Variants in MGAT4C observed in about 807,000 individuals in gnomAD.
The protein encoded by MGAT4C is alpha-1,3-mannosyl-glycoprotein 4-beta-N-acetylglucosaminyltransferase C.
A neutral mutation model predicts 40.1 loss-of-function variants in MGAT4C; 19 were observed. That is an observed-to-expected ratio of 0.47 (90% CI 0.33 to 0.70). MGAT4C has a LOEUF of 0.70. Among genes scored for constraint, MGAT4C ranks in the 30% least tolerant of loss-of-function variants. The probability of loss-of-function intolerance (pLI) is 0.02; values close to 1 mark genes in which losing one functional copy is unlikely to be tolerated. For missense variants in MGAT4C, 491 were observed against 563.2 expected, an observed-to-expected ratio of 0.87 and a Z score of 1.30; for synonymous variants, 181 against 187.1, an observed-to-expected ratio of 0.97 and a Z score of 0.27.
At chr12:86,780,186 T>A (rs1009381226) in intron 1 of MGAT4C, among the ~76,000 whole-genome samples, 2 of 152,184 alleles carry the variant, frequency 1.3e-5, no homozygotes, top group African/African-American at 4.8e-5. Flanking sequence ...CTGCATTAAT[T>A]ATATAATTTA....
At chr12:86,762,246 T>A (rs760010715) in intron 1 of MGAT4C, among the ~76,000 whole-genome samples, 7 of 151,994 alleles carry the variant, frequency 4.6e-5, no homozygotes, top group Non-Finnish European at 8.8e-5. Flanking sequence ...ACATGGGGTT[T>A]CACTATGTTT....
In MGAT4C at chr12:86,632,237, A is replaced by T. The variant is rs1029036104; in HGVS notation, c.-229+94972T>A. 1.7e-4 allele frequency among the ~76,000 whole-genome samples: 26 copies of T among 152,174 alleles called. 1 individual carries two copies. The highest frequency in any genetic ancestry group is 6.3e-4 in the African/African-American group (26 of 41,416). ...TCTCATACCAGTTAGAATGGGGATC[A>T]TTAAAAAGTCAGGAAACAACAGGTG... is the stretch of plus-strand genomic sequence containing the variant. On this transcript the variant is annotated intron_variant, in intron 2 of 7. Transcript: ENST00000548651.
chr12:86,185,518 T>C (rs1429453000), intron 1 of MGAT4C, among the ~76,000 whole-genome samples: 6 of 152,092 alleles, frequency 3.9e-5, no homozygotes, highest in Admixed American at 2.0e-4. Context: ...AAGCATATGT[T>C]CTTTAAAAAC....
chr12:86,391,280 A>G (rs1956155848), intron 3 of MGAT4C, among the ~76,000 whole-genome samples: 1 of 152,196 alleles, frequency 6.6e-6, no homozygotes. Context: ...TGATTTTTAG[A>G]GTAAAGGATT....
intron 1 of MGAT4C, among the ~76,000 whole-genome samples, chr12:86,118,112 G>T (rs1177689966): frequency 1.3e-5 from 2 of 152,166 alleles, no homozygotes; most frequent in African/African-American, 4.8e-5. Context: ...ATTATTACCA[G>T]GATACATGAA....
Position 86,275,944 on chromosome 12 carries a change from C to CAAAAAA in MGAT4C, c.-57+58115_-57+58120dup, listed in dbSNP as rs748476574. Among the ~76,000 whole-genome samples the CAAAAAA allele has an allele frequency of 1.6e-3, 111 of 69,162 alleles. 2 individuals carry two copies. Among genetic ancestry groups the CAAAAAA allele is most frequent in the African/African-American group, 5.0e-3 (92 of 18,542 alleles). 45.4% of individuals were successfully genotyped at this position (69,162 alleles called of 152,430 possible). ...TGAAACCCCGTCTCTACTAAAAATC[C>CAAAAAA]AAAAAAAAAAAAAAAAAAAAAAAAA... is the stretch of plus-strand genomic sequence containing the variant. On this transcript the variant is annotated intron_variant, in intron 4 of 7. Coordinates refer to the MGAT4C transcript ENST00000548651.
In MGAT4C at chr12:86,609,526, T is replaced by C. The variant is rs552422025; in HGVS notation, c.-229+117683A>G. 2.6e-5 allele frequency among the ~76,000 whole-genome samples: 4 copies of C among 152,238 alleles called. No individual in the cohort carries two copies. The South Asian group carries it at 6.2e-4, about 24-fold the overall frequency. ...ATCAGATAGGGTTAAGAAACAGATA[T>C]TGTCCTGTGGGTTTATTCCTCAGAA... is the stretch of plus-strand genomic sequence containing the variant. On this transcript the variant is annotated intron_variant, in intron 2 of 7. Transcript: ENST00000548651.
At chr12:86,779,241 T>C (rs780274413) in intron 1 of MGAT4C, among the ~76,000 whole-genome samples, 5 of 152,026 alleles carry the variant, frequency 3.3e-5, no homozygotes, top group Non-Finnish European at 7.4e-5. Flanking sequence ...TTATAAACAA[T>C]TGAGGTATGG....
intron 2 of MGAT4C, among the ~76,000 whole-genome samples, chr12:86,565,821 G>A (rs911808944): frequency 6.6e-6 from 1 of 152,296 alleles, no homozygotes; most frequent in Middle Eastern, 3.4e-3. Context: ...ACACCACTTA[G>A]CCTCTTTCCC....
intron 1 of MGAT4C, among the ~76,000 whole-genome samples, chr12:86,766,842 C>T (rs912451273): frequency 1.3e-5 from 2 of 151,688 alleles, no homozygotes; most frequent in African/African-American, 4.8e-5. Context: ...CACAACATAC[C>T]AGAATCCCTG....
At chr12:86,729,129 T>C (rs1016033081) in intron 1 of MGAT4C, among the ~76,000 whole-genome samples, 6 of 152,196 alleles carry the variant, frequency 3.9e-5, no homozygotes, top group Admixed American at 6.5e-5. Context: ...ATTTCAATGA[T>C]AGATGCTATT....
intron 3 of MGAT4C, chr12:86,435,087 C>G (rs1957114085): frequency 6.6e-6 from 1 of 151,874 alleles, no homozygotes. Flanking sequence ...CTCTCCCTGA[C>G]CACATTATGG....
At chr12:86,581,046 G>T (rs1352428546) in intron 2 of MGAT4C, among the ~76,000 whole-genome samples, 1 of 151,368 alleles carries the variant, frequency 6.6e-6, no homozygotes, top group Non-Finnish European at 1.5e-5. Flanking sequence ...TTCAGAGGTT[G>T]GGTATCTAAA....
At chr12:86,675,519 T>C (rs545556035) in intron 2 of MGAT4C, among the ~76,000 whole-genome samples, 8 of 152,312 alleles carry the variant, frequency 5.3e-5, no homozygotes, top group African/African-American at 1.7e-4. Context: ...TATGTAAAGA[T>C]TGTCTGTTTT....
intron 3 of MGAT4C, among the ~76,000 whole-genome samples, chr12:86,340,677 G>T (rs776837649): frequency 6.6e-6 from 1 of 152,010 alleles, no homozygotes; most frequent in South Asian, 2.1e-4. Flanking sequence ...AACATAAAAG[G>T]ATATCATTAT....
At chr12:86,403,724 C>G (rs1956413145) in intron 3 of MGAT4C, among the ~76,000 whole-genome samples, 1 of 152,116 alleles carries the variant, frequency 6.6e-6, no homozygotes, top group South Asian at 2.1e-4. Context: ...ACTAAAATCT[C>G]TCAAGCCATA....
intron 2 of MGAT4C, among the ~76,000 whole-genome samples, chr12:86,579,253 T>C (rs1452622951): frequency 2.6e-5 from 4 of 151,588 alleles, no homozygotes; most frequent in African/African-American, 9.7e-5. Flanking sequence ...TGTCTTCCTC[T>C]AATGAAGGTG....
chr12:86,432,239 T>C (rs910766631), intron 3 of MGAT4C, among the ~76,000 whole-genome samples: 1 of 151,782 alleles, frequency 6.6e-6, no homozygotes, highest in Non-Finnish European at 1.5e-5. Flanking sequence ...ATTGTGCAAA[T>C]TTAGAGAAAA....
chr12:85,985,410 T>C (rs113123049), intron 3 of MGAT4C, among the ~76,000 whole-genome samples: 116 of 152,302 alleles, frequency 7.6e-4, no homozygotes, highest in Non-Finnish European at 1.3e-3. Flanking sequence ...TCCAATATGG[T>C]CCTTACTAAA....
Sources: allele counts gnomAD v4.1 joint callset (sites outside exome capture counted in the v4.1 genomes callset), GRCh38; gene constraint gnomAD v4.1.1; transcripts MANE v1.5; gene names NCBI Gene and HGNC (gene_info 2026-07-23, HGNC 2026-07-21).